AMY2B: variants seen among roughly 807,000 people sequenced by gnomAD.
The protein encoded by AMY2B is alpha-amylase 2B.
Under a neutral mutation model 59.3 loss-of-function variants are expected in AMY2B, and 63 were observed. The ratio of observed to expected loss-of-function variants is 1.06; its 90% CI spans 0.87 to 1.31. The LOEUF is 1.31. Among genes scored for constraint, AMY2B ranks in the 50% most tolerant of loss-of-function variants. The probability of loss-of-function intolerance (pLI) is 0.00; values close to 1 mark genes in which losing one functional copy is unlikely to be tolerated. For synonymous variants in AMY2B, 180 were observed against 198.1 expected (o/e 0.91, Z 0.77); for missense variants, 635 against 626.7 (o/e 1.01, Z -0.14).
At chr1:103,569,646 C>T, upstream of AMY2B, 2 of 393,816 alleles carry the variant, frequency 5.1e-6, no homozygotes, top group Non-Finnish European at 1.0e-5. Context: ...GCCATGTTTC[C>T]TTCCATCATC....
chr1:103,571,349 C>A, upstream of AMY2B: 1 of 999,230 alleles, frequency 1.0e-6, no homozygotes, highest in South Asian at 1.8e-5. Flanking sequence ...AGCAATATAT[C>A]ATTGTGTATG....
chr1:103,571,327 A>T, upstream of AMY2B: 1 of 898,900 alleles, frequency 1.1e-6, no homozygotes, highest in Non-Finnish European at 1.6e-6. Flanking sequence ...TTACGTGAGA[A>T]CATTAGGCCC....
intron 1 of AMY2B, among the ~76,000 whole-genome samples, chr1:103,563,098 G>A (rs751733226): frequency 5.3e-5 from 8 of 151,890 alleles, no homozygotes; most frequent in Admixed American, 1.3e-4. Context: ...TCTTGATACC[G>A]GATATATTTT....
At chr1:103,570,728 A>G, upstream of AMY2B, 1 of 526,002 alleles carries the variant, frequency 1.9e-6, no homozygotes, top group South Asian at 1.4e-5. Flanking sequence ...TCAGAAGTAA[A>G]AATTTGCCCC....
chr1:103,572,089 T>G (rs1341004116), intron 1 of AMY2B, 21 bp from the exon 2 acceptor site: 5 of 1,611,538 alleles, frequency 3.1e-6, no homozygotes, highest in Non-Finnish European at 3.4e-6. Flanking sequence ...TTGGTAGTTA[T>G]GAAGACTGTT....
chr1:103,571,344 T>A (rs1385411691), upstream of AMY2B: 20 of 970,230 alleles, frequency 2.1e-5, no homozygotes, highest in East Asian at 5.1e-4. Flanking sequence ...GCCCCAGCAA[T>A]ATATCATTGT....
intron 1 of AMY2B, among the ~76,000 whole-genome samples, chr1:103,564,026 G>T (rs1651825226): frequency 6.6e-6 from 1 of 152,098 alleles, no homozygotes; most frequent in Non-Finnish European, 1.5e-5. Context: ...CGGAAAGACA[G>T]TATGAGTTGA....
intron 1 of AMY2B, among the ~76,000 whole-genome samples, chr1:103,562,789 TTA>T (rs1417783877): frequency 6.6e-6 from 1 of 151,730 alleles, no homozygotes; most frequent in East Asian, 1.9e-4. Flanking sequence ...TAACTGATAG[TTA>T]TATAAGTAGA....
chr1:103,579,174 G>A (rs1652477798), intron 9 of AMY2B, 137 bp from the exon 10 acceptor site: 3 of 1,534,676 alleles, frequency 2.0e-6, no homozygotes, highest in Non-Finnish European at 2.6e-6. Flanking sequence ...CAACTACTAG[G>A]GAGGCATATG....
upstream of AMY2B, chr1:103,571,003 T>G (rs1440647557): frequency 2.3e-5 from 9 of 384,188 alleles, no homozygotes; most frequent in Non-Finnish European, 1.4e-5. Flanking sequence ...TGGCCAGCAG[T>G]CTCTGATCTG....
intron 7 of AMY2B, among the ~76,000 whole-genome samples, chr1:103,576,867 T>A (rs954664776): frequency 1.3e-5 from 2 of 152,206 alleles, no homozygotes; most frequent in African/African-American, 4.8e-5. Flanking sequence ...ATAGAGCCTA[T>A]GTTTTAATCC....
chr1:103,570,730 A>C (rs1302314924), upstream of AMY2B: 5 of 523,686 alleles, frequency 9.5e-6, no homozygotes, highest in East Asian at 2.2e-4. Flanking sequence ...AGAAGTAAAA[A>C]TTTGCCCCTG....
At chr1:103,570,900 T>C (rs1409227221), upstream of AMY2B, 5 of 361,022 alleles carry the variant, frequency 1.4e-5, no homozygotes, top group Non-Finnish European at 2.2e-5. Context: ...TATCTGTACA[T>C]ATCTTTGATT....
chr1:103,569,571 G>A (rs113695654), upstream of AMY2B: 25 of 362,362 alleles, frequency 6.9e-5, 1 homozygote, highest in South Asian at 1.4e-4. Context: ...AGAGATTGCC[G>A]TACTGGTGAT....
upstream of AMY2B, chr1:103,570,292 A>G: frequency 1.7e-6 from 1 of 586,066 alleles, no homozygotes; most frequent in African/African-American, 1.9e-5. Context: ...TGGCCATGTC[A>G]TCACCATCGG....
At chr1:103,577,985 G>A (rs896173353) in intron 9 of AMY2B, 140 bp downstream of exon 9, 19 of 1,513,368 alleles carry the variant, frequency 1.3e-5, no homozygotes, top group Admixed American at 2.2e-5. Flanking sequence ...TCAAAATTGG[G>A]CAGAAGTAAA....
At chr1:103,566,920 T>C (rs983522921), upstream of AMY2B, among the ~76,000 whole-genome samples, 3 of 152,152 alleles carry the variant, frequency 2.0e-5, no homozygotes, top group African/African-American at 7.2e-5. Context: ...ACCTAGAGTT[T>C]TCATGTTATA....
intron 1 of AMY2B, among the ~76,000 whole-genome samples, chr1:103,562,599 C>G (rs971712342): frequency 1.3e-5 from 2 of 150,578 alleles, no homozygotes; most frequent in Admixed American, 6.6e-5. Flanking sequence ...TTTAATCACA[C>G]TTAAATTACT....
In AMY2B at chr1:103,574,362, A is replaced by G; in HGVS notation, c.847A>G (p.Lys283Glu). The G allele has an allele frequency of 1.9e-6, 3 of 1,611,768 alleles. No individual in the cohort carries two copies. The highest frequency in any genetic ancestry group is 2.3e-4 in the Middle Eastern group (1 of 4,430). Reference protein sequence around the residue: ...YGAKLGTVIRKWNGEKMSYLK... With the variant: ...YGAKLGTVIREWNGEKMSYLK... ...TGCAAAACTCGGCACAGTTATTCGC[A>G]AGTGGAATGGAGAGAAGATGTCTTA... Residue 283 changes from lysine to glutamate, a missense_variant, in exon 5 of 10, where the codon AAG (lysine) becomes GAG (glutamate). Transcript: ENST00000684275.
Sources: allele counts gnomAD v4.1 joint callset (sites outside exome capture counted in the v4.1 genomes callset), GRCh38; gene constraint gnomAD v4.1.1; transcripts MANE v1.5; gene names NCBI Gene and HGNC (gene_info 2026-07-23, HGNC 2026-07-21).